SPTB: variants seen among roughly 807,000 people sequenced by gnomAD.
SPTB encodes the protein spectrin beta chain, erythrocytic.
A neutral mutation model predicts 256.2 loss-of-function variants in SPTB; 45 were observed. That is an observed-to-expected ratio of 0.18 (90% confidence interval 0.14 to 0.23). SPTB has a LOEUF of 0.23. SPTB is among the 10% of genes least tolerant of loss of function. The probability of loss-of-function intolerance (pLI) is 1.00; values close to 1 mark genes in which losing one functional copy is unlikely to be tolerated. For synonymous variants in SPTB, 1,231 were observed against 1,243.1 expected, an observed-to-expected ratio of 0.99 and a Z score of 0.21; for missense variants, 2,715 against 3,040.4, an observed-to-expected ratio of 0.89 and a Z score of 2.52.
chr14:64,749,219 CCGGCGGG>C lies in SPTB; in HGVS notation c.*80_*86del. 6.8e-7 allele frequency: 1 copy of C among 1,479,250 alleles called. No individual in the cohort carries two copies. The highest frequency in any genetic ancestry group is 9.1e-7 in the Non-Finnish European group (1 of 1,099,516). The allele number at this position is 1,479,250 out of a possible 1,614,324, so 91.6% of individuals were successfully genotyped here. A position where few individuals can be genotyped will look rare whatever the true frequency, so the allele number is the denominator to read the frequency against. On this transcript the variant is annotated 3_prime_UTR_variant, in exon 36 of 36. Transcript: ENST00000644917. This position sits in a 1 kb window ranked among gnomAD's most constrained non-coding sequence, Gnocchi z 4.7. ...CGCGACTCGACTCATCTCGATTCGA[CCGGCGGG>C]CGGCGGCGAGAGGAGGCCAAGGCCT...
chr14:64,878,663 C>T (rs1245760230), intron 1 of SPTB, among the ~76,000 whole-genome samples: 1 of 152,076 alleles, frequency 6.6e-6, no homozygotes, highest in African/African-American at 2.4e-5. Context: ...AACTAAAATA[C>T]GGATCGTGAC....
At chr14:64,836,723 G>T (rs951392819) in intron 1 of SPTB, among the ~76,000 whole-genome samples, 4 of 152,158 alleles carry the variant, frequency 2.6e-5, no homozygotes, top group African/African-American at 9.7e-5. Context: ...CTCCTTGAAG[G>T]GAAGGATGCC....
At position 64,785,559 on chromosome 14, in the gene SPTB, T is replaced by C. The variant is rs764693974; in HGVS notation, c.3833A>G (p.Asn1278Ser). The C allele has an allele frequency of 8.7e-6, 14 of 1,613,624 alleles. No individual in the cohort carries two copies. In the Admixed American group the frequency reaches 2.2e-4, roughly 25 times the overall value. Reference protein sequence around the residue: ...VLLRDNLELQNFLQNCQELTL... With the variant: ...VLLRDNLELQSFLQNCQELTL... ...CACCTCCTGGCAGTTCTGGAGGAAG[T>C]TCTGTAGCTCCAGGTTGTCTCTCAG... Residue 1278 changes from asparagine to serine, a missense_variant, in exon 18 of 36, where the codon AAC becomes AGC. Around this residue, in one of 4 missense-constraint regions of SPTB, gnomAD observed 2,239 missense variants for 2,384.4 expected, o/e 0.94. Transcript: ENST00000644917. The surrounding 1 kb of genome is among the most constrained non-coding windows in gnomAD (Gnocchi z 4.4).
intron 15 of SPTB, among the ~76,000 whole-genome samples, chr14:64,787,495 G>A (rs927495240): frequency 6.6e-6 from 1 of 152,174 alleles, no homozygotes; most frequent in African/African-American, 2.4e-5. Flanking sequence ...CAGAGTTTAT[G>A]AAATATCAAA....
chr14:64,838,135 G>A (rs1050712510), intron 1 of SPTB, among the ~76,000 whole-genome samples: 47 of 152,172 alleles, frequency 3.1e-4, no homozygotes, highest in African/African-American at 1.1e-3. Context: ...ATTTCCAACA[G>A]AGGTACAAAA....
intron 32 of SPTB, among the ~76,000 whole-genome samples, chr14:64,761,703 G>A (rs1594746927): frequency 6.6e-6 from 1 of 152,208 alleles, no homozygotes; most frequent in Non-Finnish European, 1.5e-5. Flanking sequence ...TTCCTCGGGA[G>A]CTGTCTTCAC....
Position 64,816,489 on chromosome 14 carries a change from T to G in SPTB, c.148+6458A>C, listed in dbSNP as rs78979743. ...ACTCAAACATGCTTATCCCCTGAAC[T>G]GAGAGCTGCAGTTTATGTTACAAAC... is the stretch of plus-strand genomic sequence containing the variant. On this transcript the variant is annotated intron_variant, in intron 2 of 35. Coordinates refer to ENST00000644917, the MANE Select transcript of SPTB (RefSeq NM_001355436.2). This position sits in a 1 kb window ranked among gnomAD's most constrained non-coding sequence, Gnocchi z 4.2. Among the ~76,000 whole-genome samples the G allele has an allele frequency of 9.0e-4, 137 of 152,304 alleles. 4 individuals carry two copies. The East Asian group carries it at 0.022, about 24-fold the overall frequency.
intron 25 of SPTB, 124 bp downstream of exon 25, chr14:64,773,096 G>T: frequency 6.5e-7 from 1 of 1,543,876 alleles, no homozygotes; most frequent in East Asian, 2.4e-5. Context: ...GGCCTGCATC[G>T]GCTGGTCCCG....
chr14:64,868,095 G>T (rs1223961192), intron 1 of SPTB, among the ~76,000 whole-genome samples: 1 of 152,128 alleles, frequency 6.6e-6, no homozygotes, highest in Non-Finnish European at 1.5e-5. Flanking sequence ...GGGCAATGGG[G>T]AACCATTGAG....
intron 2 of SPTB, among the ~76,000 whole-genome samples, chr14:64,814,467 C>A (rs2083152718): frequency 6.6e-6 from 1 of 151,962 alleles, no homozygotes; most frequent in Non-Finnish European, 1.5e-5. Flanking sequence ...AATATATATT[C>A]TTGTTAATAA....
intron 32 of SPTB, among the ~76,000 whole-genome samples, chr14:64,757,962 C>T (rs1446533706): frequency 6.6e-6 from 1 of 152,134 alleles, no homozygotes; most frequent in Admixed American, 6.5e-5. Flanking sequence ...CCACCCCTTC[C>T]CAGGTGTTGG....
chr14:64,766,434 T>C, intron 32 of SPTB: 27 of 1,409,008 alleles, frequency 1.9e-5, no homozygotes, highest in Non-Finnish European at 2.5e-5. Flanking sequence ...GATATATTTA[T>C]ACAATAAAAT....
chr14:64,803,642 G>A lies in SPTB; in HGVS notation c.439C>T (p.Leu147=), dbSNP rs763806695. Residue 147 remains leucine, a synonymous_variant, in exon 4 of 36, where the codon CTG becomes TTG. Coordinates refer to ENST00000644917, the MANE Select transcript of SPTB (RefSeq NM_001355436.2). The part of the protein sequence containing the change: ...DIVDGNHRLV[L]GLIWTIILRF... Reference sequence around the variant, plus strand: ...AGGATGATGGTCCAGATGAGGCCCAGGACCAGGCGGTGGTTGCCATCTACA... The same window carrying A: ...AGGATGATGGTCCAGATGAGGCCCAAGACCAGGCGGTGGTTGCCATCTACA... 1 of 1,614,206 alleles carries A rather than the reference G, an allele frequency of 6.2e-7. No individual in the cohort carries two copies. Among genetic ancestry groups the A allele is most frequent in the South Asian group, 1.1e-5 (1 of 91,084 alleles).
chr14:64,782,196 T>C, intron 20 of SPTB, 94 bp downstream of exon 20: 8 of 1,574,918 alleles, frequency 5.1e-6, no homozygotes, highest in Admixed American at 1.7e-5. Context: ...CCTTCACATG[T>C]ACCCCCAAAC....
At chr14:64,861,760 C>T (rs1239608674) in intron 1 of SPTB, among the ~76,000 whole-genome samples, 2 of 152,212 alleles carry the variant, frequency 1.3e-5, no homozygotes, top group African/African-American at 2.4e-5. Flanking sequence ...TCCTGATCAT[C>T]GAGTTTCATG....
intron 1 of SPTB, among the ~76,000 whole-genome samples, chr14:64,868,061 C>T (rs1439311384): frequency 9.2e-5 from 14 of 152,148 alleles, no homozygotes; most frequent in Admixed American, 3.3e-4. Context: ...GAGGCCCGTG[C>T]CTGCCCCTTT....
intron 1 of SPTB, among the ~76,000 whole-genome samples, chr14:64,831,109 G>C (rs559795753): frequency 6.6e-6 from 1 of 152,140 alleles, no homozygotes; most frequent in African/African-American, 2.4e-5. Context: ...GGGAAAGCTG[G>C]TGGTGACCCA....
chr14:64,751,824 C>T (rs2081953764), intron 33 of SPTB, among the ~76,000 whole-genome samples: 1 of 149,352 alleles, frequency 6.7e-6, no homozygotes, highest in Non-Finnish European at 1.5e-5. Context: ...TGGCTCACAC[C>T]TGTAATCCCA....
intron 1 of SPTB, among the ~76,000 whole-genome samples, chr14:64,855,538 A>AAAACAGGGTCTTGC (rs11270613): frequency 6.6e-6 from 1 of 151,804 alleles, no homozygotes; most frequent in Non-Finnish European, 1.5e-5. Context: ...ATCTTTTCAT[A>AAAACAGGGTCTTGC]TACGTTGACC....
Sources: allele counts gnomAD v4.1 joint callset (sites outside exome capture counted in the v4.1 genomes callset), GRCh38; gene constraint gnomAD v4.1.1; regional missense constraint gnomAD v4.1.1; non-coding constraint Gnocchi (gnomAD v3.1); transcripts MANE v1.5; gene names NCBI Gene and HGNC (gene_info 2026-07-23, HGNC 2026-07-21).